The following DRC7 variants were observed in gnomAD, a reference collection of about 807,000 sequenced individuals.
The protein encoded by DRC7 is dynein regulatory complex subunit 7.
DRC7 carries 80 observed loss-of-function variants against 104.4 expected under a neutral mutation model. The ratio of observed to expected loss-of-function variants is 0.77; its 90% CI spans 0.64 to 0.92. The LOEUF is 0.92. Ranked by LOEUF, DRC7 falls within the 40% of genes least tolerant of loss-of-function variation. DRC7 has a pLI of 0.00. For synonymous variants in DRC7, 405 were observed against 447.3 expected (o/e 0.91, Z 1.19); for missense variants, 1,034 against 1,141.1 (o/e 0.91, Z 1.35).
At chr16:57,720,822 A>G (rs2048894800) in intron 9 of DRC7, among the ~76,000 whole-genome samples, 1 of 152,216 alleles carries the variant, frequency 6.6e-6, no homozygotes, top group Admixed American at 6.5e-5. Flanking sequence ...GTCTTATCCA[A>G]GTTTCTGTGA....
At chr16:57,718,276 A>T in intron 8 of DRC7, 71 bp from the exon 9 acceptor site, 1 of 1,563,542 alleles carries the variant, frequency 6.4e-7, no homozygotes, top group Non-Finnish European at 8.7e-7. Flanking sequence ...CCATCTCCCA[A>T]CTCCCCATGG....
chr16:57,715,035 G>T (rs1171765177), intron 8 of DRC7: 3 of 213,276 alleles, frequency 1.4e-5, no homozygotes, highest in Non-Finnish European at 2.9e-5. Context: ...TTTCTATATA[G>T]TTTTCCACAC....
In DRC7 at chr16:57,731,040, G is replaced by A. The variant is rs1215754516; in HGVS notation, c.2501G>A (p.Arg834His). 8.7e-6 allele frequency: 14 copies of A among 1,613,584 alleles called. No homozygotes were observed. Among genetic ancestry groups the A allele is most frequent in the Admixed American group, 1.7e-5 (1 of 59,990 alleles). ...AGTTACTGCTCTCAGGCCATGTTCC[G>A]CATCCGCATCCTGGAGCAGCGCCTC... ...YLSYCSQAMF[R>H]IRILEQRLNR... The change falls in exon 18 of 19, where the codon CGC becomes CAC. Residue 834 changes from arginine to histidine, a missense_variant. Arg to His is a conservative substitution (Grantham distance 29). Transcript: ENST00000360716.
At chr16:57,725,610 G>C (rs2048953477) in intron 13 of DRC7, 1 of 160,936 alleles carries the variant, frequency 6.2e-6, no homozygotes, top group Non-Finnish European at 1.4e-5. Flanking sequence ...GGTTTTGAGA[G>C]TTTTTTCTAA....
At chr16:57,703,967 CAAAAAAAAAAAA>C (rs35232247) in intron 6 of DRC7, among the ~76,000 whole-genome samples, 2 of 64,352 alleles carry the variant, frequency 3.1e-5, no homozygotes, top group East Asian at 4.7e-4. Context: ...ACTCTGGCTC[CAAAAAAAAAAAA>C]AAAAAAAAAA....
rs1407010857 is a variant in DRC7 at position 57,705,034 on chromosome 16, G to T, written c.858G>T (p.Met286Ile). Residue 286 changes from methionine (M) to isoleucine (I), a missense_variant and splice_region_variant, in exon 7 of 19, where the codon ATG becomes ATT. Coordinates refer to ENST00000360716, the MANE Select transcript of DRC7 (RefSeq NM_001289162.2). ...TGAGGGAGGAGGAGGAGCGCCTCATGGTGGGTCCTCAGCCCTGAATCCCCT... is the reference window on the plus strand; with the variant it reads ...TGAGGGAGGAGGAGGAGCGCCTCATTGTGGGTCCTCAGCCCTGAATCCCCT... The part of the protein sequence containing the change: ...KRLREEEERL[M>I]EAEKAKPDAL... 1.2e-6 allele frequency: 2 copies of T among 1,611,478 alleles called. No individual in the cohort carries two copies. The highest frequency in any genetic ancestry group is 1.7e-6 in the Non-Finnish European group (2 of 1,179,632).
In DRC7 at chr16:57,723,118, C is replaced by A; in HGVS notation, c.1525C>A (p.Gln509Lys). 6.2e-7 allele frequency: 1 copy of A among 1,613,708 alleles called. No individual in the cohort carries two copies. Among genetic ancestry groups the A allele is most frequent in the Non-Finnish European group, 8.5e-7 (1 of 1,179,974 alleles). The change falls in exon 12 of 19, where the codon CAG becomes AAG. Residue 509 changes from glutamine to lysine, a missense_variant. Transcript: ENST00000360716. ...AGACTACTTCAAGCCTGGCCACCCC[C>A]AGGCTCTGCGCGGTGCGTGGCTCCC... ...KTDYFKPGHP[Q>K]ALRVHSYKSM... is the part of the protein sequence containing the mutation.
Position 57,731,347 on chromosome 16 carries a change from G to T in DRC7, c.*89G>T. The stretch of plus-strand genomic sequence containing the variant: ...CCTGTGTTCCCTCTATCCAGCCAAT[G>T]CCTGTTTACACAGACACCTGGCCTC... On this transcript the variant is annotated 3_prime_UTR_variant, in exon 19 of 19. Transcript: ENST00000360716. 9.7e-7 allele frequency: 1 copy of T among 1,026,162 alleles called. No individual in the cohort carries two copies. The highest frequency in any genetic ancestry group is 2.0e-5 in the Admixed American group (1 of 49,732). 63.6% of individuals were successfully genotyped at this position (1,026,162 alleles called of 1,614,324 possible).
At chr16:57,722,346 G>A (rs745377984) in intron 10 of DRC7, among the ~76,000 whole-genome samples, 11 of 152,180 alleles carry the variant, frequency 7.2e-5, no homozygotes, top group Admixed American at 2.0e-4. Context: ...GGGGTCACCT[G>A]GGTGAAGTTT....
intron 12 of DRC7, among the ~76,000 whole-genome samples, chr16:57,724,309 C>CA (rs35767816): frequency 0.11 from 9,058 of 80,450 alleles, 652 homozygotes; most frequent in East Asian, 0.26. Flanking sequence ...GGCTGTGTCT[C>CA]AAAAAAAAAA....
chr16:57,706,521 CCCTCCCATCCACCCATCCACCCAT>C (rs1192670897), intron 7 of DRC7, among the ~76,000 whole-genome samples: 1 of 110,854 alleles, frequency 9.0e-6, no homozygotes, highest in Non-Finnish European at 1.9e-5. Flanking sequence ...CATCCTCCCA[CCCTCCCATCCACCCATCCACCCAT>C]CCTCCCATCC....
At chr16:57,724,913 T>G in intron 13 of DRC7, 78 bp downstream of exon 13, 2 of 1,199,650 alleles carry the variant, frequency 1.7e-6, no homozygotes, top group Non-Finnish European at 2.4e-6. Flanking sequence ...GTGAGAGCCC[T>G]GGCTCTGGGG....
chr16:57,724,718 A>G lies in DRC7; in HGVS notation c.1641A>G (p.Thr547=), dbSNP rs2148768836. 1 of 1,613,894 alleles carries G rather than the reference A, an allele frequency of 6.2e-7. No individual in the cohort carries two copies. The part of the protein sequence containing the change: ...GLMKREETPR[T]MTEYYQGRPD... ...TGAAGCGGGAGGAGACACCCAGGAC[A>G]ATGACAGAGTACTATCAAGGACGCC... Residue 547 remains threonine, a synonymous_variant, in exon 13 of 19, where the codon ACA becomes ACG. Transcript: ENST00000360716.
chr16:57,731,337 T>C lies in DRC7; in HGVS notation c.*79T>C, dbSNP rs1597818601. The C allele has an allele frequency of 1.8e-6, 2 of 1,126,564 alleles. No individual in the cohort carries two copies. The allele number at this position is 1,126,564 out of a possible 1,614,324, so 69.8% of individuals were successfully genotyped here. On this transcript the variant is annotated 3_prime_UTR_variant, in exon 19 of 19. Transcript: ENST00000360716. ...CAGCCTGGCTCCTGTGTTCCCTCTA[T>C]CCAGCCAATGCCTGTTTACACAGAC...
rs1165144331 is a variant in DRC7, at chr16:57,704,855, TC to T, written c.700-19del. The T allele has an allele frequency of 6.2e-7, 1 of 1,612,418 alleles. No individual in the cohort carries two copies. Among genetic ancestry groups the T allele is most frequent in the Admixed American group, 1.7e-5 (1 of 59,896 alleles). On this transcript the variant is annotated intron_variant, in intron 6 of 18. Coordinates refer to ENST00000360716, the MANE Select transcript of DRC7 (RefSeq NM_001289162.2). ...GGGGGGATGCAGGGCCACTGACCCT[TC>T]CTCTTCTTTTGGGTGACAGACCATC...
Position 57,705,034 on chromosome 16 carries a change from G to A in DRC7, c.858G>A (p.Met286Ile). ...TGAGGGAGGAGGAGGAGCGCCTCAT[G>A]GTGGGTCCTCAGCCCTGAATCCCCT... ...KRLREEEERLMEAEKAKPDAL... is the reference protein window; with the variant it reads ...KRLREEEERLIEAEKAKPDAL... The change falls in exon 7 of 19, where the codon ATG (methionine) becomes ATA (isoleucine). Residue 286 changes from methionine to isoleucine, a missense_variant and splice_region_variant. Coordinates refer to ENST00000360716, the MANE Select transcript of DRC7 (RefSeq NM_001289162.2). 6.2e-7 allele frequency: 1 copy of A among 1,611,478 alleles called. No homozygotes were observed. Among genetic ancestry groups the A allele is most frequent in the Non-Finnish European group, 8.5e-7 (1 of 1,179,632 alleles).
intron 17 of DRC7, among the ~76,000 whole-genome samples, chr16:57,730,606 G>A (rs949995371): frequency 1.1e-4 from 16 of 152,112 alleles, no homozygotes; most frequent in African/African-American, 3.9e-4. Flanking sequence ...GGGGAGGGGG[G>A]AGTACAATGA....
intron 8 of DRC7, among the ~76,000 whole-genome samples, chr16:57,716,124 A>C (rs2048840681): frequency 6.6e-6 from 1 of 152,252 alleles, no homozygotes; most frequent in African/African-American, 2.4e-5. Flanking sequence ...TTCTAAAGAA[A>C]TAGAACTTAA....
Position 57,707,561 on chromosome 16 carries a change from C to T in DRC7, c.960C>T (p.Ile320=), listed in dbSNP as rs371297408. Residue 320 remains isoleucine (I), a synonymous_variant, in exon 8 of 19, where the codon ATC becomes ATT. Transcript: ENST00000360716. ...GKREVPENFF[I]DPFTGHSYST... is the part of the protein sequence containing the mutation. ...GCGAGGTGCCTGAGAACTTCTTCAT[C>T]GACCCATTCACAGGACATAGCTACA... 9.4e-5 allele frequency: 152 copies of T among 1,613,450 alleles called. No homozygotes were observed. The highest frequency in any genetic ancestry group is 4.9e-4 in the Middle Eastern group (3 of 6,084).
Sources: gnomAD v4.1 joint callset for allele counts (sites outside exome capture counted in the v4.1 genomes callset) on GRCh38, gnomAD v4.1.1 for gene constraint, MANE v1.5 for transcripts, NCBI Gene and HGNC (gene_info 2026-07-23, HGNC 2026-07-21) for gene names.